The following PCCA variants were observed in gnomAD, a reference collection of about 807,000 sequenced individuals.
PCCA encodes propionyl-CoA carboxylase alpha chain, mitochondrial.
PCCA carries 74 observed loss-of-function variants against 101.3 expected under a neutral mutation model. The observed-to-expected ratio is 0.73, with a 90% CI of 0.61 to 0.89. PCCA has a LOEUF of 0.89. PCCA is among the 40% of genes least tolerant of loss of function. The pLI is 0.00. For synonymous variants in PCCA, 294 were observed against 313.6 expected (o/e 0.94, Z 0.66); for missense variants, 891 against 907.0 (o/e 0.98, Z 0.23).
rs1367928921 is a variant in PCCA, at chr13:100,089,182, C to T, written c.62C>T (p.Pro21Leu). 11 of 1,528,590 alleles carry T rather than the reference C, an allele frequency of 7.2e-6. No individual in the cohort carries two copies. The highest frequency in any genetic ancestry group is 9.6e-6 in the Non-Finnish European group (11 of 1,139,990). 94.7% of individuals were successfully genotyped at this position (1,528,590 alleles called of 1,614,324 possible). A position where few individuals can be genotyped will look rare whatever the true frequency, so the allele number is the denominator to read the frequency against. The stretch of plus-strand genomic sequence containing the variant: ...GCTGCCGGACGGCGTGGGCGGTGGC[C>T]GCCGCAGCAGCTGATGCTGAGCGCG... ...LVAAGRRGRW[P>L]PQQLMLSAAL... Residue 21 changes from proline to leucine, a missense_variant, in exon 1 of 24, where the codon CCG becomes CTG. Physicochemically the swap from Pro to Leu is moderately conservative, Grantham distance 98. Coordinates refer to ENST00000376285, the MANE Select transcript of PCCA (RefSeq NM_000282.4).
chr13:100,463,352 T>G (rs1407712699), intron 21 of PCCA, among the ~76,000 whole-genome samples: 1 of 149,760 alleles, frequency 6.7e-6, no homozygotes, highest in Non-Finnish European at 1.5e-5. Context: ...TTTTTTTTTT[T>G]TTTTTTTGAC....
chr13:100,319,519 G>A (rs2067764840), intron 16 of PCCA, among the ~76,000 whole-genome samples: 1 of 152,120 alleles, frequency 6.6e-6, no homozygotes, highest in African/African-American at 2.4e-5. Flanking sequence ...TGTATAAGGT[G>A]TAAGGAAGGG....
intron 6 of PCCA, among the ~76,000 whole-genome samples, chr13:100,180,504 C>G (rs535770032): frequency 6.6e-4 from 100 of 152,302 alleles, no homozygotes; most frequent in African/African-American, 2.2e-3. Flanking sequence ...TATTGAAAAA[C>G]AGCCCCATAA....
chr13:100,428,090 A>T (rs547096542), intron 20 of PCCA, among the ~76,000 whole-genome samples: 7 of 152,048 alleles, frequency 4.6e-5, no homozygotes, highest in African/African-American at 1.7e-4. Flanking sequence ...TAAATGAGAC[A>T]GGATCTCGCT....
chr13:100,164,590 T>G (rs1411904485), intron 6 of PCCA, among the ~76,000 whole-genome samples: 1 of 152,232 alleles, frequency 6.6e-6, no homozygotes, highest in East Asian at 1.9e-4. Context: ...GTAATCAACT[T>G]TCACAGATCC....
At chr13:100,431,070 G>A (rs1388128932) in intron 20 of PCCA, among the ~76,000 whole-genome samples, 1 of 152,092 alleles carries the variant, frequency 6.6e-6, no homozygotes, top group African/African-American at 2.4e-5. Flanking sequence ...AGGAATCTGT[G>A]CCCTTAACAT....
rs1278627353 is a variant in PCCA at position 100,151,011 on chromosome 13, G to C, written c.301-3968G>C. 4 of 1,540,750 alleles carry C rather than the reference G, an allele frequency of 2.6e-6. No individual in the cohort carries two copies. The East Asian group carries it at 9.0e-5, about 35-fold the overall frequency. On this transcript the variant is annotated intron_variant, in intron 4 of 23. Transcript: ENST00000376285. Reference sequence around the variant, plus strand: ...TGGAGAGCAGAGAGCTGGCGGTACTGCCAGCAGCGGACCCTCAGAAGAAAG... The same window carrying C: ...TGGAGAGCAGAGAGCTGGCGGTACTCCCAGCAGCGGACCCTCAGAAGAAAG...
At chr13:100,488,046 T>C (rs1180704859) in intron 21 of PCCA, among the ~76,000 whole-genome samples, 1 of 151,698 alleles carries the variant, frequency 6.6e-6, no homozygotes, top group Non-Finnish European at 1.5e-5. Context: ...TATATATATA[T>C]ATTTTTTAAT....
intron 2 of PCCA, among the ~76,000 whole-genome samples, chr13:100,110,345 T>C (rs368233971): frequency 1.3e-5 from 2 of 152,352 alleles, no homozygotes; most frequent in South Asian, 4.1e-4. Flanking sequence ...GAAAAACGAT[T>C]AGCTTGTACA....
chr13:100,220,563 G>A (rs2059765332), intron 7 of PCCA, among the ~76,000 whole-genome samples: 3 of 151,860 alleles, frequency 2.0e-5, no homozygotes, highest in South Asian at 2.1e-4. Context: ...GTGCCACCGC[G>A]CCCCGTCATT....
At position 100,483,254 on chromosome 13, in the gene PCCA, GA is replaced by G. The variant is rs796889153; in HGVS notation, c.1900-32161del. ...TAGGAACAAAAGTGAGCCTTTCAGG[GA>G]AAAAAAAAAAAGGAGCTGGGCTTAA... is the stretch of plus-strand genomic sequence containing the variant. On this transcript the variant is annotated intron_variant, in intron 21 of 23. Transcript: ENST00000376285. Among the ~76,000 whole-genome samples, 609 of 143,352 alleles carry G rather than the reference GA, an allele frequency of 4.2e-3. 1 individual carries two copies. Among genetic ancestry groups the G allele is most frequent in the African/African-American group, 0.01 (406 of 39,410 alleles). The allele number at this position is 143,352 out of a possible 152,430, so 94.0% of individuals were successfully genotyped here.
chr13:100,411,270 G>T (rs1299134897), intron 19 of PCCA, among the ~76,000 whole-genome samples: 5 of 149,608 alleles, frequency 3.3e-5, no homozygotes, highest in Admixed American at 3.3e-4. Context: ...CTGTTGCCCA[G>T]GCTGGAGTGC....
At chr13:100,506,283 G>A (rs1466814763) in intron 21 of PCCA, among the ~76,000 whole-genome samples, 4 of 150,806 alleles carry the variant, frequency 2.7e-5, no homozygotes, top group African/African-American at 7.3e-5. Flanking sequence ...TTGGCTCAGC[G>A]TCTAGGATGT....
chr13:100,262,694 C>G, intron 9 of PCCA, 35 bp from the exon 10 acceptor site: 1 of 667,488 alleles, frequency 1.5e-6, no homozygotes, highest in South Asian at 1.4e-5. Context: ...CCCTCCCTCT[C>G]CCCCCCTCCT....
chr13:100,111,730 T>C (rs1357351094), intron 2 of PCCA, 111 bp from the exon 3 acceptor site: 7 of 689,858 alleles, frequency 1.0e-5, no homozygotes, highest in African/African-American at 1.8e-5. Context: ...GGAAGTAATG[T>C]TTATTAGGGT....
intron 19 of PCCA, among the ~76,000 whole-genome samples, chr13:100,384,304 G>C (rs184035741): frequency 6.6e-6 from 1 of 152,188 alleles, no homozygotes; most frequent in Non-Finnish European, 1.5e-5. Context: ...GGGATTACAG[G>C]CGTGAACCAC....
chr13:100,521,782 A>G (rs143463779), intron 22 of PCCA, among the ~76,000 whole-genome samples: 44 of 152,236 alleles, frequency 2.9e-4, no homozygotes, highest in Middle Eastern at 3.4e-3. Flanking sequence ...TAACAATGAA[A>G]TGGTGGGATT....
At chr13:100,310,399 GT>G (rs547928644) in intron 16 of PCCA, among the ~76,000 whole-genome samples, 50 of 152,170 alleles carry the variant, frequency 3.3e-4, no homozygotes, top group African/African-American at 1.2e-3. Context: ...TTTTATTGTG[GT>G]AATTGAAATA....
intron 21 of PCCA, among the ~76,000 whole-genome samples, chr13:100,453,117 G>T (rs1000443556): frequency 6.6e-6 from 1 of 152,206 alleles, no homozygotes; most frequent in East Asian, 1.9e-4. Flanking sequence ...CAGGGAGGTC[G>T]AGGCTACAGC....
Sources: gnomAD v4.1 joint callset for allele counts (sites outside exome capture counted in the v4.1 genomes callset) on GRCh38, gnomAD v4.1.1 for gene constraint, MANE v1.5 for transcripts, NCBI Gene and HGNC (gene_info 2026-07-23, HGNC 2026-07-21) for gene names.